Variants in ZNF385D observed in about 807,000 individuals in gnomAD.
ZNF385D encodes the protein zinc finger protein 659.
Under a neutral mutation model 35.8 loss-of-function variants are expected in ZNF385D, and 15 were observed. The ratio of observed to expected loss-of-function variants is 0.42; its 90% CI spans 0.28 to 0.64. The LOEUF is 0.64. Ranked by LOEUF, ZNF385D falls within the 30% of genes least tolerant of loss-of-function variation. The pLI, the probability that ZNF385D is intolerant of heterozygous loss-of-function variation, is 0.23. For missense variants in ZNF385D, 474 were observed against 494.6 expected (o/e 0.96, Z 0.39); for synonymous variants, 212 against 186.8 (o/e 1.13, Z -1.10).
In ZNF385D at chr3:22,240,759, A is replaced by G. The variant is rs192903429; in HGVS notation, c.107-71724T>C. On this transcript the variant is annotated intron_variant, in intron 2 of 5. Coordinates refer to the ZNF385D transcript ENST00000494108. ...TGTGTAATTGTAATTGTACTTGTAT[A>G]TGTCTCCAGACTATGCACCTGTAGA... Among the ~76,000 whole-genome samples, 294 of 151,094 alleles carry G rather than the reference A, an allele frequency of 1.9e-3. 4 individuals carry two copies. Among genetic ancestry groups the G allele is most frequent in the Admixed American group, 2.8e-3 (42 of 15,170 alleles).
At chr3:21,557,929 T>C (rs1176087449) in intron 3 of ZNF385D, among the ~76,000 whole-genome samples, 1 of 152,168 alleles carries the variant, frequency 6.6e-6, no homozygotes, top group Non-Finnish European at 1.5e-5. Flanking sequence ...GATTTTCTAG[T>C]TTATTTGCAT....
At chr3:22,045,516 C>T (rs1186914721) in intron 3 of ZNF385D, among the ~76,000 whole-genome samples, 2 of 152,078 alleles carry the variant, frequency 1.3e-5, no homozygotes, top group Admixed American at 1.3e-4. Flanking sequence ...ATTTCTACCC[C>T]ATTTCCAGTT....
intron 3 of ZNF385D, among the ~76,000 whole-genome samples, chr3:22,010,636 G>T (rs938636315): frequency 1.3e-5 from 2 of 152,242 alleles, no homozygotes; most frequent in Non-Finnish European, 2.9e-5. Flanking sequence ...TGGACATGAG[G>T]TTCCAATGGA....
chr3:21,737,466 T>TATACACAC (rs139213948), intron 1 of ZNF385D, among the ~76,000 whole-genome samples: 47 of 149,182 alleles, frequency 3.2e-4, no homozygotes, highest in African/African-American at 8.9e-4. Context: ...GGGATATATA[T>TATACACAC]ACACACACAC....
chr3:21,798,535 T>G (rs2072255209), intron 3 of ZNF385D, among the ~76,000 whole-genome samples: 1 of 152,014 alleles, frequency 6.6e-6, no homozygotes, highest in Non-Finnish European at 1.5e-5. Flanking sequence ...GTTTCTTGTC[T>G]CTTCAATTGG....
intron 3 of ZNF385D, among the ~76,000 whole-genome samples, chr3:21,526,796 G>A (rs781133434): frequency 6.6e-6 from 1 of 152,182 alleles, no homozygotes; most frequent in Non-Finnish European, 1.5e-5. Context: ...GGATCTGAAT[G>A]CTTGGTCATG....
At chr3:22,344,177 GGTGTGTGTGTGTGTGTGT>G (rs571896117) in intron 2 of ZNF385D, among the ~76,000 whole-genome samples, 3 of 140,756 alleles carry the variant, frequency 2.1e-5, no homozygotes, top group African/African-American at 5.4e-5. Flanking sequence ...GGTGGGGTGG[GGTGTGTGTGTGTGTGTGT>G]GTGTGTGTGT....
intron 2 of ZNF385D, among the ~76,000 whole-genome samples, chr3:22,303,428 G>A (rs1396358411): frequency 6.6e-6 from 1 of 152,126 alleles, no homozygotes; most frequent in Non-Finnish European, 1.5e-5. Flanking sequence ...TCAGGAACCT[G>A]CTTGTGTGCC....
At position 21,945,396 on chromosome 3, in the gene ZNF385D, G is replaced by T. The variant is rs79766563; in HGVS notation, c.325+223421C>A. ...GTTTATGGTGAGATGCACGTTAGTTGTATGTTTTCTTCATAGAAGAGCAAA... is the reference window on the plus strand; with the variant it reads ...GTTTATGGTGAGATGCACGTTAGTTTTATGTTTTCTTCATAGAAGAGCAAA... On this transcript the variant is annotated intron_variant, in intron 3 of 5. Coordinates refer to the ZNF385D transcript ENST00000494108. Among the ~76,000 whole-genome samples the T allele has an allele frequency of 9.0e-3, 1,373 of 152,234 alleles. 23 individuals are homozygous for T. The highest frequency in any genetic ancestry group is 0.031 in the African/African-American group (1,269 of 41,558).
At chr3:21,650,218 A>G (rs1209771218) in intron 2 of ZNF385D, among the ~76,000 whole-genome samples, 1 of 152,216 alleles carries the variant, frequency 6.6e-6, no homozygotes, top group Non-Finnish European at 1.5e-5. Flanking sequence ...ATGAAACTAC[A>G]GAATTGCATA....
chr3:21,761,390 C>A (rs1458589467), intron 3 of ZNF385D, among the ~76,000 whole-genome samples: 1 of 152,090 alleles, frequency 6.6e-6, no homozygotes, highest in African/African-American at 2.4e-5. Context: ...CATGATGGAA[C>A]TTTATAGTCT....
chr3:21,787,987 G>C (rs1208605373), intron 3 of ZNF385D, among the ~76,000 whole-genome samples: 1 of 114,498 alleles, frequency 8.7e-6, no homozygotes, highest in Non-Finnish European at 1.8e-5. Flanking sequence ...AAAAAAGAGA[G>C]AGAGAGAGCA....
At chr3:22,088,561 G>C (rs1329899704) in intron 3 of ZNF385D, among the ~76,000 whole-genome samples, 1 of 152,130 alleles carries the variant, frequency 6.6e-6, no homozygotes, top group Non-Finnish European at 1.5e-5. Flanking sequence ...TTGTACTCCT[G>C]AGTATGGACA....
intron 3 of ZNF385D, among the ~76,000 whole-genome samples, chr3:21,982,028 A>T (rs2336522): frequency 0.33 from 49,218 of 149,090 alleles, 11,487 homozygotes; most frequent in African/African-American, 0.67. Flanking sequence ...TGTGCTTAGG[A>T]TCGCCTTGGC....
At chr3:21,918,832 T>C (rs991693895) in intron 3 of ZNF385D, among the ~76,000 whole-genome samples, 4 of 152,208 alleles carry the variant, frequency 2.6e-5, no homozygotes, top group Non-Finnish European at 5.9e-5. Context: ...AAATGACTTC[T>C]TGACAGCGAG....
chr3:21,733,598 G>A (rs1365879622), intron 1 of ZNF385D, among the ~76,000 whole-genome samples: 1 of 152,060 alleles, frequency 6.6e-6, no homozygotes, highest in Non-Finnish European at 1.5e-5. Context: ...TTAATTTTAT[G>A]TAGTTAAATT....
chr3:21,640,656 G>A lies in ZNF385D; in HGVS notation c.165+24230C>T, dbSNP rs190958697. 6.6e-5 allele frequency among the ~76,000 whole-genome samples: 10 copies of A among 152,186 alleles called. No individual in the cohort carries two copies. In the East Asian group the frequency reaches 1.9e-3, roughly 30 times the overall value. On this transcript the variant is annotated intron_variant, in intron 2 of 7. Coordinates refer to ENST00000281523, the MANE Select transcript of ZNF385D (RefSeq NM_024697.3). Reference sequence around the variant, plus strand: ...AAGTCCCTTGCCAAACACAGAATCTGCTGGCACCTTAACCTTAGGCTTTTA... The same window carrying A: ...AAGTCCCTTGCCAAACACAGAATCTACTGGCACCTTAACCTTAGGCTTTTA...
intron 4 of ZNF385D, among the ~76,000 whole-genome samples, chr3:21,462,938 C>T (rs1361734789): frequency 6.6e-6 from 1 of 152,074 alleles, no homozygotes; most frequent in Admixed American, 6.6e-5. Context: ...GCTGAGATCG[C>T]ACCACTGCAC....
intron 2 of ZNF385D, among the ~76,000 whole-genome samples, chr3:22,311,273 A>C (rs1277381475): frequency 6.6e-6 from 1 of 152,016 alleles, no homozygotes; most frequent in Non-Finnish European, 1.5e-5. Flanking sequence ...AGTTTACTTA[A>C]ATGATACAGA....
Sources: gnomAD v4.1 joint callset for allele counts (sites outside exome capture counted in the v4.1 genomes callset) on GRCh38, gnomAD v4.1.1 for gene constraint, MANE v1.5 for transcripts, NCBI Gene and HGNC (gene_info 2026-07-23, HGNC 2026-07-21) for gene names.